The following SPATA31D4 variants were observed in gnomAD, a reference collection of about 807,000 sequenced individuals.
The protein encoded by SPATA31D4 is spermatogenesis-associated protein 31D4.
For synonymous variants in SPATA31D4, 23 were observed against 102.8 expected (o/e 0.22, Z 4.70); for missense variants, 73 against 279.1 (o/e 0.26, Z 5.26).
At position 81,933,155 on chromosome 9, in the gene SPATA31D4, A is replaced by AT; in HGVS notation, c.*242dup. Reference sequence around the variant, plus strand: ...TCATCCTCAGCCTGTCTCCTCACCTATTGGCAAAGAAGGGCAGGGGACCCT... The same window carrying AT: ...TCATCCTCAGCCTGTCTCCTCACCTATTTGGCAAAGAAGGGCAGGGGACCCT... On this transcript the variant is annotated 3_prime_UTR_variant, in exon 4 of 4. Transcript: ENST00000419782. The AT allele has an allele frequency of 1.4e-6, 1 of 696,722 alleles. No individual in the cohort carries two copies. Among genetic ancestry groups the AT allele is most frequent in the South Asian group, 1.8e-5 (1 of 54,756 alleles). The allele number at this position is 696,722 out of a possible 1,614,324, so 43.2% of individuals were successfully genotyped here.
At position 81,932,876 on chromosome 9, in the gene SPATA31D4, A is replaced by G; in HGVS notation, c.2715A>G (p.Lys905=). The G allele has an allele frequency of 6.8e-7, 1 of 1,475,440 alleles. No homozygotes were observed. Among genetic ancestry groups the G allele is most frequent in the South Asian group, 1.3e-5 (1 of 79,272 alleles). 91.4% of individuals were successfully genotyped at this position (1,475,440 alleles called of 1,614,324 possible). ...NKQKMLEAHI[K]SFHMKPILNL... is the part of the protein sequence containing the mutation. ...AAAAGATGTTGGAAGCCCATATTAA[A>G]TCTTTCCATATGAAGCCCATATTAA... Residue 905 remains lysine (K), a synonymous_variant, in exon 4 of 4, where the codon AAA becomes AAG. Transcript: ENST00000419782.
Position 81,932,946 on chromosome 9 carries a change from G to T in SPATA31D4, c.*31G>T, listed in dbSNP as rs770714277. 8.6e-6 allele frequency: 13 copies of T among 1,512,006 alleles called. 3 individuals carry two copies. Among genetic ancestry groups the T allele is most frequent in the South Asian group, 2.3e-5 (2 of 85,490 alleles). The allele number at this position is 1,512,006 out of a possible 1,614,324, so 93.7% of individuals were successfully genotyped here. On this transcript the variant is annotated 3_prime_UTR_variant, in exon 4 of 4. Coordinates refer to ENST00000419782, the MANE Select transcript of SPATA31D4 (RefSeq NM_001145197.1). ...CTGTGGGGCCTTCCCCGCAAGATCC[G>T]TGAACCCATAGAAATCTTCAAATCA...
chr9:81,934,091 AGAGT>A lies in SPATA31D4; in HGVS notation c.*1180_*1183del, dbSNP rs1337903023. ...TAAGAATTTTTCACCAGCTACAAAG[AGAGT>A]GAGCCCTTTAAGACCCAATGGAGGA... On this transcript the variant is annotated 3_prime_UTR_variant, in exon 4 of 4. Coordinates refer to ENST00000419782, the MANE Select transcript of SPATA31D4 (RefSeq NM_001145197.1). 1 of 399,470 alleles carries A rather than the reference AGAGT, an allele frequency of 2.5e-6. No individual in the cohort carries two copies. Among genetic ancestry groups the A allele is most frequent in the East Asian group, 3.7e-5 (1 of 26,854 alleles). The allele number at this position is 399,470 out of a possible 1,614,324, so 24.7% of individuals were successfully genotyped here.
In SPATA31D4 at chr9:81,934,583, G is replaced by T; in HGVS notation, c.*1668G>T. ...GCAGGTCAGAGCAGAGCCCTTCCAG[G>T]GCTATCCCCGCAACTACACAGCTCC... On this transcript the variant is annotated 3_prime_UTR_variant, in exon 4 of 4. Coordinates refer to ENST00000419782, the MANE Select transcript of SPATA31D4 (RefSeq NM_001145197.1). 2.2e-6 allele frequency: 2 copies of T among 924,086 alleles called. 1 individual carries two copies. 57.2% of individuals were successfully genotyped at this position (924,086 alleles called of 1,614,324 possible). A position where few individuals can be genotyped will look rare whatever the true frequency, so the allele number is the denominator to read the frequency against.
chr9:81,932,933 C>G lies in SPATA31D4; in HGVS notation c.*18C>G. Reference sequence around the variant, plus strand: ...CCATATGAGGATGCTGTGGGGCCTTCCCCGCAAGATCCGTGAACCCATAGA... The same window carrying G: ...CCATATGAGGATGCTGTGGGGCCTTGCCCGCAAGATCCGTGAACCCATAGA... On this transcript the variant is annotated 3_prime_UTR_variant, in exon 4 of 4. Coordinates refer to ENST00000419782, the MANE Select transcript of SPATA31D4 (RefSeq NM_001145197.1). 1 of 1,505,288 alleles carries G rather than the reference C, an allele frequency of 6.6e-7. No individual in the cohort carries two copies. Among genetic ancestry groups the G allele is most frequent in the South Asian group, 1.2e-5 (1 of 84,650 alleles). The allele number at this position is 1,505,288 out of a possible 1,614,324, so 93.2% of individuals were successfully genotyped here.
chr9:81,934,090 G>C lies in SPATA31D4; in HGVS notation c.*1175G>C, dbSNP rs531265314. 3.0e-5 allele frequency: 12 copies of C among 400,466 alleles called. 1 individual carries two copies. Among genetic ancestry groups the C allele is most frequent in the Middle Eastern group, 4.7e-4 (1 of 2,134 alleles). 24.8% of individuals were successfully genotyped at this position (400,466 alleles called of 1,614,324 possible). On this transcript the variant is annotated 3_prime_UTR_variant, in exon 4 of 4. Transcript: ENST00000419782. ...TTAAGAATTTTTCACCAGCTACAAA[G>C]AGAGTGAGCCCTTTAAGACCCAATG...
rs1282344345 is a variant in SPATA31D4, at chr9:81,934,562, G to T, written c.*1647G>T. 7.1e-6 allele frequency: 6 copies of T among 844,926 alleles called. No homozygotes were observed. In the East Asian group the frequency reaches 1.2e-4, roughly 18 times the overall value. 52.3% of individuals were successfully genotyped at this position (844,926 alleles called of 1,614,324 possible). ...AGCTCAGCACAACCCAGAAGTGCAGGTCAGAGCAGAGCCCTTCCAGGGCTA... is the reference window on the plus strand; with the variant it reads ...AGCTCAGCACAACCCAGAAGTGCAGTTCAGAGCAGAGCCCTTCCAGGGCTA... On this transcript the variant is annotated 3_prime_UTR_variant, in exon 4 of 4. Transcript: ENST00000419782.
In SPATA31D4 at chr9:81,932,806, G is replaced by A. The variant is rs1470859583; in HGVS notation, c.2645G>A (p.Gly882Asp). Residue 882 changes from glycine (G) to aspartate (D), a missense_variant, in exon 4 of 4, where the codon GGC becomes GAC. Transcript: ENST00000419782. The stretch of plus-strand genomic sequence containing the variant: ...GCAGCATTGGTGAGTGAGGACCACG[G>A]CGTTGATACCTCCCAGGAGATGTCC... ...NLAALVSEDH[G>D]VDTSQEMSFL... The A allele has an allele frequency of 1.2e-5, 18 of 1,533,272 alleles. 1 individual carries two copies. The highest frequency in any genetic ancestry group is 1.5e-5 in the Non-Finnish European group (17 of 1,118,804). 95.0% of individuals were successfully genotyped at this position (1,533,272 alleles called of 1,614,324 possible).
At position 81,932,951 on chromosome 9, in the gene SPATA31D4, C is replaced by A. The variant is rs745786816; in HGVS notation, c.*36C>A. 4 of 1,513,848 alleles carry A rather than the reference C, an allele frequency of 2.6e-6. No individual in the cohort carries two copies. The highest frequency in any genetic ancestry group is 1.4e-5 in the African/African-American group (1 of 70,894). 93.8% of individuals were successfully genotyped at this position (1,513,848 alleles called of 1,614,324 possible). On this transcript the variant is annotated 3_prime_UTR_variant, in exon 4 of 4. Coordinates refer to ENST00000419782, the MANE Select transcript of SPATA31D4 (RefSeq NM_001145197.1). ...GGGCCTTCCCCGCAAGATCCGTGAA[C>A]CCATAGAAATCTTCAAATCAGAAGA...
chr9:81,930,086 G>C lies in SPATA31D4; in HGVS notation c.233-14G>C. On this transcript the variant is annotated splice_polypyrimidine_tract_variant and intron_variant, in intron 2 of 3. Coordinates refer to ENST00000419782, the MANE Select transcript of SPATA31D4 (RefSeq NM_001145197.1). ...CTACCTTCATTGCATGTAACATGCTGTTCTGGTTTCCAGACCGGAAAAGTT... is the reference window on the plus strand; with the variant it reads ...CTACCTTCATTGCATGTAACATGCTCTTCTGGTTTCCAGACCGGAAAAGTT... 1 of 180,256 alleles carries C rather than the reference G, an allele frequency of 5.5e-6. No individual in the cohort carries two copies. Among genetic ancestry groups the C allele is most frequent in the South Asian group, 4.5e-5 (1 of 21,990 alleles). The allele number at this position is 180,256 out of a possible 1,614,324, so 11.2% of individuals were successfully genotyped here. A position where few individuals can be genotyped will look rare whatever the true frequency, so the allele number is the denominator to read the frequency against.
chr9:81,934,058 T>C lies in SPATA31D4; in HGVS notation c.*1143T>C. ...GGTCCCTACGCATGTCTTACAGAAA[T>C]GCCAAGTTAAGAATTTTTCACCAGC... On this transcript the variant is annotated 3_prime_UTR_variant, in exon 4 of 4. Transcript: ENST00000419782. 2.8e-6 allele frequency: 1 copy of C among 360,316 alleles called. No individual in the cohort carries two copies. Among genetic ancestry groups the C allele is most frequent in the South Asian group, 3.1e-5 (1 of 31,868 alleles). The allele number at this position is 360,316 out of a possible 1,614,324, so 22.3% of individuals were successfully genotyped here.
chr9:81,933,030 T>C lies in SPATA31D4; in HGVS notation c.*115T>C. 1 of 1,453,640 alleles carries C rather than the reference T, an allele frequency of 6.9e-7. No homozygotes were observed. Among genetic ancestry groups the C allele is most frequent in the African/African-American group, 1.4e-5 (1 of 72,276 alleles). The allele number at this position is 1,453,640 out of a possible 1,614,324, so 90.0% of individuals were successfully genotyped here. A position where few individuals can be genotyped will look rare whatever the true frequency, so the allele number is the denominator to read the frequency against. On this transcript the variant is annotated 3_prime_UTR_variant, in exon 4 of 4. Coordinates refer to ENST00000419782, the MANE Select transcript of SPATA31D4 (RefSeq NM_001145197.1). ...TACCTTCCCTCCTCAGCCAGCTTTA[T>C]TTCTCAGGGAGATTCCAAAGATGGG...
In SPATA31D4 at chr9:81,933,032, T is replaced by A; in HGVS notation, c.*117T>A. 2 of 1,457,910 alleles carry A rather than the reference T, an allele frequency of 1.4e-6. No individual in the cohort carries two copies. Among genetic ancestry groups the A allele is most frequent in the Non-Finnish European group, 1.9e-6 (2 of 1,054,636 alleles). 90.3% of individuals were successfully genotyped at this position (1,457,910 alleles called of 1,614,324 possible). Reference sequence around the variant, plus strand: ...CCTTCCCTCCTCAGCCAGCTTTATTTCTCAGGGAGATTCCAAAGATGGGGT... The same window carrying A: ...CCTTCCCTCCTCAGCCAGCTTTATTACTCAGGGAGATTCCAAAGATGGGGT... On this transcript the variant is annotated 3_prime_UTR_variant, in exon 4 of 4. Coordinates refer to ENST00000419782, the MANE Select transcript of SPATA31D4 (RefSeq NM_001145197.1).
rs1364484421 is a variant in SPATA31D4, at chr9:81,934,591, C to G, written c.*1676C>G. ...GAGCAGAGCCCTTCCAGGGCTATCC[C>G]CGCAACTACACAGCTCCCTCCCGCA... On this transcript the variant is annotated 3_prime_UTR_variant, in exon 4 of 4. Coordinates refer to ENST00000419782, the MANE Select transcript of SPATA31D4 (RefSeq NM_001145197.1). 2 of 907,664 alleles carry G rather than the reference C, an allele frequency of 2.2e-6. No homozygotes were observed. Among genetic ancestry groups the G allele is most frequent in the Admixed American group, 4.0e-5 (2 of 49,594 alleles). The allele number at this position is 907,664 out of a possible 1,614,324, so 56.2% of individuals were successfully genotyped here.
Position 81,932,914 on chromosome 9 carries a change from G to A in SPATA31D4, c.2753G>A (p.Ter918=), listed in dbSNP as rs1468535707. Residue 918 remains the stop codon, a stop_retained_variant, in exon 4 of 4, where the codon TGA becomes TAA. Transcript: ENST00000419782. ...AAGCCCATATTAAATCTTTCCATAT[G>A]AGGATGCTGTGGGGCCTTCCCCGCA... ...HMKPILNLSI[*] 2.7e-6 allele frequency: 4 copies of A among 1,497,220 alleles called. 1 individual carries two copies. The highest frequency in any genetic ancestry group is 1.2e-5 in the South Asian group (1 of 83,346). The allele number at this position is 1,497,220 out of a possible 1,614,324, so 92.7% of individuals were successfully genotyped here. A position where few individuals can be genotyped will look rare whatever the true frequency, so the allele number is the denominator to read the frequency against.
At position 81,933,056 on chromosome 9, in the gene SPATA31D4, G is replaced by T. The variant is rs1279596733; in HGVS notation, c.*141G>T. The T allele has an allele frequency of 2.0e-6, 3 of 1,507,346 alleles. No homozygotes were observed. Among genetic ancestry groups the T allele is most frequent in the African/African-American group, 2.7e-5 (2 of 73,268 alleles). 93.4% of individuals were successfully genotyped at this position (1,507,346 alleles called of 1,614,324 possible). A position where few individuals can be genotyped will look rare whatever the true frequency, so the allele number is the denominator to read the frequency against. Reference sequence around the variant, plus strand: ...TTCTCAGGGAGATTCCAAAGATGGGGTCTCTAAGTCTCATAGACGAAGCAC... The same window carrying T: ...TTCTCAGGGAGATTCCAAAGATGGGTTCTCTAAGTCTCATAGACGAAGCAC... On this transcript the variant is annotated 3_prime_UTR_variant, in exon 4 of 4. Coordinates refer to ENST00000419782, the MANE Select transcript of SPATA31D4 (RefSeq NM_001145197.1).
chr9:81,933,383 G>A lies in SPATA31D4; in HGVS notation c.*468G>A, dbSNP rs1252220533. The A allele has an allele frequency of 2.5e-5, 4 of 159,896 alleles. No individual in the cohort carries two copies. The highest frequency in any genetic ancestry group is 1.5e-4 in the African/African-American group (3 of 19,382). 9.9% of individuals were successfully genotyped at this position (159,896 alleles called of 1,614,324 possible). A position where few individuals can be genotyped will look rare whatever the true frequency, so the allele number is the denominator to read the frequency against. On this transcript the variant is annotated 3_prime_UTR_variant, in exon 4 of 4. Coordinates refer to ENST00000419782, the MANE Select transcript of SPATA31D4 (RefSeq NM_001145197.1). ...GCAGGGGACCCTCAGAAGAGAATTC[G>A]CTGATACTGACGAGGATCTTACAGA...
In SPATA31D4 at chr9:81,933,105, C is replaced by T. The variant is rs559007552; in HGVS notation, c.*190C>T. 7 of 1,293,442 alleles carry T rather than the reference C, an allele frequency of 5.4e-6. No homozygotes were observed. The highest frequency in any genetic ancestry group is 1.8e-5 in the Admixed American group (1 of 55,384). 80.1% of individuals were successfully genotyped at this position (1,293,442 alleles called of 1,614,324 possible). Reference sequence around the variant, plus strand: ...ACTTTTCAAGGAGAAAAGTTGGGAACAACAAGCTCAGTCCCTGTCCTTAAT... The same window carrying T: ...ACTTTTCAAGGAGAAAAGTTGGGAATAACAAGCTCAGTCCCTGTCCTTAAT... On this transcript the variant is annotated 3_prime_UTR_variant, in exon 4 of 4. Coordinates refer to ENST00000419782, the MANE Select transcript of SPATA31D4 (RefSeq NM_001145197.1).
At position 81,934,085 on chromosome 9, in the gene SPATA31D4, A is replaced by G. The variant is rs144258741; in HGVS notation, c.*1170A>G. 0.018 allele frequency: 6,466 copies of G among 354,850 alleles called. 130 individuals are homozygous for G. The highest frequency in any genetic ancestry group is 0.047 in the African/African-American group (877 of 18,510). The allele number at this position is 354,850 out of a possible 1,614,324, so 22.0% of individuals were successfully genotyped here. A position where few individuals can be genotyped will look rare whatever the true frequency, so the allele number is the denominator to read the frequency against. ...CCAAGTTAAGAATTTTTCACCAGCT[A>G]CAAAGAGAGTGAGCCCTTTAAGACC... On this transcript the variant is annotated 3_prime_UTR_variant, in exon 4 of 4. Coordinates refer to ENST00000419782, the MANE Select transcript of SPATA31D4 (RefSeq NM_001145197.1).
Sources: gnomAD v4.1 joint callset for allele counts on GRCh38, gnomAD v4.1.1 for gene constraint, MANE v1.5 for transcripts, NCBI Gene and HGNC (gene_info 2026-07-23, HGNC 2026-07-21) for gene names.